FBXW12: variants seen among roughly 807,000 people sequenced by gnomAD.
FBXW12 encodes the protein F-box and WD repeat domain containing 12.
In FBXW12, 43 loss-of-function variants were observed where a neutral mutation model predicts 55.3. The observed-to-expected ratio is 0.78, with a 90% CI of 0.61 to 1.00. FBXW12 has a LOEUF of 1.00. Among genes scored for constraint, FBXW12 ranks in the 50% least tolerant of loss-of-function variants. The pLI, the probability that FBXW12 is intolerant of heterozygous loss-of-function variation, is 0.00. For synonymous variants in FBXW12, 184 were observed against 203.8 expected, an observed-to-expected ratio of 0.90 and a Z score of 0.83; for missense variants, 524 against 560.5, an observed-to-expected ratio of 0.93 and a Z score of 0.66.
chr3:48,381,843 G>A lies in FBXW12; in HGVS notation c.1129G>A (p.Glu377Lys). ...CACTGGCTTCCTGCTGCAACGATTT[G>A]AGGACCATCAGGCAGCCATCAACAA... Reference protein sequence around the residue: ...SITGFLLQRFEDHQAAINNFW... With the variant: ...SITGFLLQRFKDHQAAINNFW... The change falls in exon 9 of 11, where the codon GAG (glutamate) becomes AAG (lysine). Residue 377 changes from glutamate to lysine, a missense_variant. Physicochemically the swap from Glu to Lys is moderately conservative, Grantham distance 56 (BLOSUM62 1). Coordinates refer to ENST00000296438, the MANE Select transcript of FBXW12 (RefSeq NM_207102.2). 1.9e-6 allele frequency: 3 copies of A among 1,608,470 alleles called. No homozygotes were observed. The highest frequency in any genetic ancestry group is 2.2e-5 in the South Asian group (2 of 90,558).
intron 4 of FBXW12, among the ~76,000 whole-genome samples, chr3:48,375,059 G>A (rs2036663399): frequency 6.6e-6 from 1 of 152,120 alleles, no homozygotes; most frequent in Admixed American, 6.5e-5. Context: ...CACTGTGCCT[G>A]GACTTGATAA....
At chr3:48,379,360 A>T (rs779557555) in intron 6 of FBXW12, 40 bp from the exon 7 acceptor site, 4 of 1,605,080 alleles carry the variant, frequency 2.5e-6, no homozygotes, top group Non-Finnish European at 2.6e-6. Context: ...AGGATTTCAC[A>T]TATCTTCCTA....
chr3:48,372,641 T>C, intron 1 of FBXW12, 43 bp from the exon 2 acceptor site: 1 of 1,577,382 alleles, frequency 6.3e-7, no homozygotes, highest in East Asian at 2.2e-5. Context: ...CTGCAGCTTG[T>C]TTCTACCGCA....
At chr3:48,391,495 A>G (rs889478680) in intron 10 of FBXW12, among the ~76,000 whole-genome samples, 2 of 151,964 alleles carry the variant, frequency 1.3e-5, no homozygotes, top group African/African-American at 4.8e-5. Flanking sequence ...AATCACTACT[A>G]TCACTACTAA....
intron 10 of FBXW12, among the ~76,000 whole-genome samples, chr3:48,385,485 G>A (rs1243585746): frequency 3.3e-5 from 5 of 152,116 alleles, no homozygotes; most frequent in Non-Finnish European, 7.4e-5. Context: ...TGGGAGTAAT[G>A]AGCGTGCAGA....
chr3:48,382,124 CT>C (rs750293056), intron 10 of FBXW12, 39 bp downstream of exon 10: 15,361 of 1,129,786 alleles, frequency 0.014, 1 homozygote, highest in South Asian at 0.023. Context: ...CCCTAAACAA[CT>C]TTTTTTTTTT....
chr3:48,388,301 C>T (rs1392313222), intron 10 of FBXW12, among the ~76,000 whole-genome samples: 1 of 152,170 alleles, frequency 6.6e-6, no homozygotes, highest in African/African-American at 2.4e-5. Flanking sequence ...CTTGGTTGAT[C>T]TTCTTCAGTT....
intron 10 of FBXW12, among the ~76,000 whole-genome samples, chr3:48,392,190 T>G (rs973095795): frequency 2.0e-5 from 3 of 152,162 alleles, no homozygotes; most frequent in African/African-American, 7.2e-5. Context: ...TGGTGGCTCA[T>G]GCCTATAATC....
chr3:48,391,913 G>A (rs558789681), intron 10 of FBXW12, among the ~76,000 whole-genome samples: 16 of 152,150 alleles, frequency 1.1e-4, no homozygotes, highest in East Asian at 1.9e-4. Flanking sequence ...GGATTTTTGC[G>A]TCTATGTTCA....
At position 48,375,340 on chromosome 3, in the gene FBXW12, ATGTT is replaced by A; in HGVS notation, c.287-12_287-9del. 5 of 1,500,834 alleles carry A rather than the reference ATGTT, an allele frequency of 3.3e-6. No individual in the cohort carries two copies. The highest frequency in any genetic ancestry group is 3.7e-6 in the Non-Finnish European group (4 of 1,078,714). 93.0% of individuals were successfully genotyped at this position (1,500,834 alleles called of 1,614,324 possible). A position where few individuals can be genotyped will look rare whatever the true frequency, so the allele number is the denominator to read the frequency against. ...TAACTATCTGGTGGCCAAGTCTTCT[ATGTT>A]TCCTTCTAGCATTTGAGACGGAGTT... On this transcript the variant is annotated splice_polypyrimidine_tract_variant and intron_variant, in intron 4 of 10. Coordinates refer to ENST00000296438, the MANE Select transcript of FBXW12 (RefSeq NM_207102.2).
At chr3:48,385,338 TTGTGTGTGTGTGTGTGTG>T (rs60689779) in intron 10 of FBXW12, among the ~76,000 whole-genome samples, 1 of 148,884 alleles carries the variant, frequency 6.7e-6, no homozygotes, top group Non-Finnish European at 1.5e-5. Context: ...TGGTATTCCA[TTGTGTGTGTGTGTGTGTG>T]TGTGTGTGTG....
chr3:48,389,912 A>G (rs1210020106), intron 10 of FBXW12, among the ~76,000 whole-genome samples: 1 of 152,210 alleles, frequency 6.6e-6, no homozygotes, highest in Non-Finnish European at 1.5e-5. Flanking sequence ...ACTCTTCTAC[A>G]TATGGCTAGT....
chr3:48,386,387 A>G (rs2036848823), intron 10 of FBXW12, among the ~76,000 whole-genome samples: 1 of 152,206 alleles, frequency 6.6e-6, no homozygotes, highest in Non-Finnish European at 1.5e-5. Flanking sequence ...CTGTTTTGAT[A>G]ACTGTAGCTT....
chr3:48,381,091 C>T (rs563473437), intron 8 of FBXW12, among the ~76,000 whole-genome samples, 179 bp downstream of exon 8: 2 of 147,782 alleles, frequency 1.4e-5, no homozygotes, highest in Non-Finnish European at 3.0e-5. Flanking sequence ...GGCACAATCT[C>T]GGCTCACTGC....
At chr3:48,386,162 A>C (rs1447501178) in intron 10 of FBXW12, among the ~76,000 whole-genome samples, 2 of 151,930 alleles carry the variant, frequency 1.3e-5, no homozygotes, top group East Asian at 3.8e-4. Context: ...ATCCATTTTG[A>C]GTTTTGTATG....
chr3:48,372,292 G>A lies in FBXW12; in HGVS notation c.-113G>A. 2.6e-6 allele frequency: 4 copies of A among 1,552,206 alleles called. No homozygotes were observed. Among genetic ancestry groups the A allele is most frequent in the East Asian group, 2.4e-5 (1 of 40,926 alleles). ...AGGCCATGCTGGCGCTGAGAGATGA[G>A]CCCCACTCACCAGATTCAAGATCCC... is the stretch of plus-strand genomic sequence containing the variant. On this transcript the variant is annotated 5_prime_UTR_variant, in exon 1 of 11. Coordinates refer to ENST00000296438, the MANE Select transcript of FBXW12 (RefSeq NM_207102.2).
intron 10 of FBXW12, among the ~76,000 whole-genome samples, chr3:48,389,341 C>T (rs2106652616): frequency 6.6e-6 from 1 of 152,166 alleles, no homozygotes; most frequent in Admixed American, 6.5e-5. Context: ...TGTCTGTTTA[C>T]TCTGTTGATA....
intron 7 of FBXW12, 103 bp downstream of exon 7, chr3:48,379,661 T>C (rs1258417610): frequency 7.6e-6 from 7 of 920,232 alleles, no homozygotes; most frequent in Non-Finnish European, 8.7e-6. Context: ...CACTGCTCCT[T>C]CCTCTCTAAG....
At chr3:48,381,330 G>A (rs908364075) in intron 8 of FBXW12, among the ~76,000 whole-genome samples, 7 of 152,050 alleles carry the variant, frequency 4.6e-5, no homozygotes, top group Non-Finnish European at 8.8e-5. Flanking sequence ...CCAGGAGCAG[G>A]GGATTTCTTT....
Sources: gnomAD v4.1 joint callset for allele counts (sites outside exome capture counted in the v4.1 genomes callset) on GRCh38, gnomAD v4.1.1 for gene constraint, MANE v1.5 for transcripts, NCBI Gene and HGNC (gene_info 2026-07-23, HGNC 2026-07-21) for gene names.